Variants in ADAMTS17 observed in about 807,000 individuals in gnomAD.
The protein encoded by ADAMTS17 is A disintegrin and metalloproteinase with thrombospondin motifs 17.
ADAMTS17 carries 113 observed loss-of-function variants against 141.5 expected under a neutral mutation model. That is an observed-to-expected ratio of 0.80 (90% CI 0.69 to 0.93). ADAMTS17 has a LOEUF of 0.93. Among genes scored for constraint, ADAMTS17 ranks in the 40% least tolerant of loss-of-function variants. ADAMTS17 has a pLI of 0.00. For synonymous variants in ADAMTS17, 768 were observed against 630.6 expected, an observed-to-expected ratio of 1.22 and a Z score of -3.27; for missense variants, 1,659 against 1,517.9, an observed-to-expected ratio of 1.09 and a Z score of -1.54.
intron 18 of ADAMTS17, among the ~76,000 whole-genome samples, chr15:100,011,683 G>A (rs1283054614): frequency 2.0e-5 from 3 of 152,150 alleles, no homozygotes; most frequent in Non-Finnish European, 4.4e-5. Context: ...AGGAAACTGA[G>A]GCACAGTCTC....
chr15:100,112,057 G>C (rs977779780), intron 13 of ADAMTS17, among the ~76,000 whole-genome samples: 2 of 152,228 alleles, frequency 1.3e-5, no homozygotes, highest in African/African-American at 4.8e-5. Flanking sequence ...GATTCGAGTA[G>C]AAGTGGAAGT....
At chr15:100,155,914 T>G (rs1187427360) in intron 8 of ADAMTS17, among the ~76,000 whole-genome samples, 1 of 152,228 alleles carries the variant, frequency 6.6e-6, no homozygotes, top group East Asian at 1.9e-4. Flanking sequence ...CACTGTGAGC[T>G]GAACAGTGAT....
intron 18 of ADAMTS17, among the ~76,000 whole-genome samples, chr15:100,003,630 C>T (rs561554538): frequency 4.6e-5 from 7 of 152,132 alleles, no homozygotes; most frequent in South Asian, 2.1e-4. Flanking sequence ...AAGGTGGAAA[C>T]GATGCAAGTG....
chr15:100,207,607 CA>C (rs1453488297), intron 7 of ADAMTS17, among the ~76,000 whole-genome samples: 1 of 152,170 alleles, frequency 6.6e-6, no homozygotes, highest in Non-Finnish European at 1.5e-5. Flanking sequence ...GTAGGAGCAT[CA>C]GGTTGAACTA....
At chr15:100,159,481 T>A (rs1050608652) in intron 8 of ADAMTS17, among the ~76,000 whole-genome samples, 15 of 152,372 alleles carry the variant, frequency 9.8e-5, no homozygotes, top group African/African-American at 3.1e-4. Flanking sequence ...TAAATTTGAC[T>A]TAGGGTTTGA....
At chr15:100,167,036 G>A (rs1057114145) in intron 8 of ADAMTS17, among the ~76,000 whole-genome samples, 1 of 152,212 alleles carries the variant, frequency 6.6e-6, no homozygotes, top group Non-Finnish European at 1.5e-5. Flanking sequence ...TGATATTGTG[G>A]CCACTGGCCA....
At chr15:100,090,208 A>G (rs1329509802) in intron 15 of ADAMTS17, among the ~76,000 whole-genome samples, 1 of 152,188 alleles carries the variant, frequency 6.6e-6, no homozygotes, top group Non-Finnish European at 1.5e-5. Context: ...AATCCAAGGC[A>G]GTAAAATGTC....
chr15:100,198,307 C>G (rs1321753570), intron 8 of ADAMTS17, among the ~76,000 whole-genome samples: 3 of 151,988 alleles, frequency 2.0e-5, no homozygotes, highest in African/African-American at 7.2e-5. Flanking sequence ...AACAAACAAA[C>G]AAAAAGTAAA....
intron 18 of ADAMTS17, among the ~76,000 whole-genome samples, chr15:100,001,994 C>CAAAAAAAAAAAAAA (rs71151931): frequency 6.9e-5 from 4 of 58,370 alleles, no homozygotes; most frequent in African/African-American, 1.2e-4. Flanking sequence ...AGGCCAAACC[C>CAAAAAAAAAAAAAA]AAAAAAAAAA....
chr15:100,191,753 A>G (rs534399955), intron 8 of ADAMTS17, among the ~76,000 whole-genome samples: 16 of 152,292 alleles, frequency 1.1e-4, no homozygotes, highest in Admixed American at 9.8e-4. Flanking sequence ...GGGAGGGGCC[A>G]GAAGGAAATT....
intron 7 of ADAMTS17, among the ~76,000 whole-genome samples, chr15:100,231,455 A>C (rs11247169): frequency 0.43 from 64,743 of 152,032 alleles, 14,737 homozygotes; most frequent in Non-Finnish European, 0.51. Flanking sequence ...CAGGAACATC[A>C]GCACCTCCCA....
At chr15:100,297,165 T>C (rs183620628) in intron 3 of ADAMTS17, among the ~76,000 whole-genome samples, 199 of 152,120 alleles carry the variant, frequency 1.3e-3, no homozygotes, top group African/African-American at 4.6e-3. Flanking sequence ...GGGAACAGCA[T>C]ATACACAGGG....
chr15:100,014,538 C>T (rs2061250958), intron 18 of ADAMTS17, among the ~76,000 whole-genome samples: 2 of 152,114 alleles, frequency 1.3e-5, no homozygotes, highest in Admixed American at 1.3e-4. Context: ...TGCTGTATTC[C>T]AGAGATTTTG....
intron 4 of ADAMTS17, among the ~76,000 whole-genome samples, chr15:100,267,141 A>C (rs1477893506): frequency 6.6e-6 from 1 of 152,068 alleles, no homozygotes; most frequent in Non-Finnish European, 1.5e-5. Flanking sequence ...TATACTCATG[A>C]AACACTAACT....
intron 7 of ADAMTS17, among the ~76,000 whole-genome samples, chr15:100,252,029 G>A (rs931624989): frequency 4.6e-5 from 7 of 152,156 alleles, no homozygotes; most frequent in Non-Finnish European, 7.3e-5. Context: ...TATGGCGCCC[G>A]AGCAAACCAA....
intron 4 of ADAMTS17, among the ~76,000 whole-genome samples, chr15:100,271,530 C>T (rs2043910293): frequency 1.4e-5 from 2 of 138,686 alleles, no homozygotes; most frequent in African/African-American, 2.7e-5. Context: ...GCTATTTGTA[C>T]ATCTTCTTCG....
At chr15:100,317,657 C>A (rs1567529730) in intron 3 of ADAMTS17, among the ~76,000 whole-genome samples, 1 of 152,070 alleles carries the variant, frequency 6.6e-6, no homozygotes, top group Non-Finnish European at 1.5e-5. Context: ...TTGGGGGGGA[C>A]AACACTGAGA....
chr15:100,112,861 ACGTGGTCACATGTGCC>A (rs796126913), intron 13 of ADAMTS17, among the ~76,000 whole-genome samples: 89 of 152,244 alleles, frequency 5.8e-4, no homozygotes, highest in African/African-American at 2.1e-3. Context: ...CTTGGGAACC[ACGTGGTCACATGTGCC>A]CGCTGGAGGT....
intron 7 of ADAMTS17, among the ~76,000 whole-genome samples, chr15:100,231,824 T>C (rs1384207853): frequency 6.6e-6 from 1 of 152,190 alleles, no homozygotes; most frequent in African/African-American, 2.4e-5. Flanking sequence ...CCCCTGATTG[T>C]ATTAGGTCAT....
Sources: allele counts gnomAD v4.1 joint callset (sites outside exome capture counted in the v4.1 genomes callset), GRCh38; gene constraint gnomAD v4.1.1; transcripts MANE v1.5; gene names NCBI Gene and HGNC (gene_info 2026-07-23, HGNC 2026-07-21).